CFAP95: variants seen among roughly 807,000 people sequenced by gnomAD.
The protein encoded by CFAP95 is cilia and flagella associated protein 95, also known as cilia- and flagella-associated protein 95.
chr9:69,830,702 C>T, the CFAP95 span, among the ~76,000 whole-genome samples: 20 of 152,162 alleles, frequency 1.3e-4, no homozygotes, highest in Non-Finnish European at 2.8e-4. Flanking sequence ...GATTGGAGTG[C>T]AGTGGCTCAA....
the CFAP95 span, among the ~76,000 whole-genome samples, chr9:69,874,772 G>A: frequency 6.6e-6 from 1 of 152,306 alleles, no homozygotes; most frequent in South Asian, 2.1e-4. Context: ...TGATCAGACT[G>A]GTATTTGGAC....
the CFAP95 span, among the ~76,000 whole-genome samples, chr9:69,860,543 G>T: frequency 9.3e-3 from 1,401 of 151,134 alleles, 24 homozygotes; most frequent in African/African-American, 0.032. Context: ...CAGCAATATT[G>T]GCCTTTCTTC....
the CFAP95 span, among the ~76,000 whole-genome samples, chr9:69,872,544 G>A: frequency 6.6e-6 from 1 of 152,180 alleles, no homozygotes; most frequent in African/African-American, 2.4e-5. Flanking sequence ...GTGTTCTTGT[G>A]GGAGGGGAGA....
At chr9:69,857,775 G>A in the CFAP95 span, 19 of 674,144 alleles carry the variant, frequency 2.8e-5, no homozygotes, top group East Asian at 5.8e-5. Context: ...CAATCCTCCC[G>A]TCTCGGCCTC....
At chr9:69,833,345 T>C in the CFAP95 span, among the ~76,000 whole-genome samples, 1 of 152,214 alleles carries the variant, frequency 6.6e-6, no homozygotes, top group Non-Finnish European at 1.5e-5. Context: ...ATACTTCATT[T>C]CTTTTTATTT....
the CFAP95 span, among the ~76,000 whole-genome samples, chr9:69,826,715 G>A: frequency 1.3e-5 from 2 of 152,144 alleles, no homozygotes; most frequent in African/African-American, 4.8e-5. Context: ...AGAGGGAAGA[G>A]GCTTTAAAGG....
the CFAP95 span, among the ~76,000 whole-genome samples, chr9:69,864,882 G>A: frequency 2.0e-5 from 3 of 152,050 alleles, no homozygotes; most frequent in South Asian, 6.2e-4. Flanking sequence ...TTGCTTCCTG[G>A]TAAAATATTA....
the CFAP95 span, chr9:69,902,150 C>CT: frequency 6.0e-6 from 2 of 335,484 alleles, no homozygotes; most frequent in African/African-American, 4.4e-5. Flanking sequence ...GTCAAAGGGA[C>CT]TTTGCCTGAT....
At chr9:69,828,383 A>T in the CFAP95 span, among the ~76,000 whole-genome samples, 2 of 152,238 alleles carry the variant, frequency 1.3e-5, no homozygotes, top group Non-Finnish European at 2.9e-5. Context: ...TTTGGTTAAA[A>T]ATATGTGTCT....
At chr9:69,903,758 G>T in the CFAP95 span, among the ~76,000 whole-genome samples, 1 of 152,104 alleles carries the variant, frequency 6.6e-6, no homozygotes, top group Non-Finnish European at 1.5e-5. Context: ...ACAGGGTCTT[G>T]CTCTGTTGCC....
At chr9:69,846,583 A>G in the CFAP95 span, among the ~76,000 whole-genome samples, 1 of 152,240 alleles carries the variant, frequency 6.6e-6, no homozygotes, top group Non-Finnish European at 1.5e-5. Flanking sequence ...TAAAGCTGTC[A>G]AGAAATATAT....
the CFAP95 span, among the ~76,000 whole-genome samples, chr9:69,866,173 A>C: frequency 6.6e-6 from 1 of 152,328 alleles, no homozygotes; most frequent in East Asian, 1.9e-4. Context: ...TAATGGCTAT[A>C]TTTAGTCAGG....
chr9:69,830,354 G>A, the CFAP95 span, among the ~76,000 whole-genome samples: 1 of 152,178 alleles, frequency 6.6e-6, no homozygotes, highest in Non-Finnish European at 1.5e-5. Flanking sequence ...GAGAAGGAAG[G>A]AGTGCTGGGC....
chr9:69,895,370 T>TGTGTGTGC, the CFAP95 span, among the ~76,000 whole-genome samples: 1 of 63,936 alleles, frequency 1.6e-5, no homozygotes, highest in Admixed American at 1.4e-4. Context: ...TCTCTCTCTC[T>TGTGTGTGC]GTGTGTGTGT....
At chr9:69,853,499 G>A in the CFAP95 span, among the ~76,000 whole-genome samples, 1 of 152,082 alleles carries the variant, frequency 6.6e-6, no homozygotes, top group Non-Finnish European at 1.5e-5. Context: ...ATTATCCTGC[G>A]AGTTTGTGCT....
At chr9:69,826,496 A>G in the CFAP95 span, among the ~76,000 whole-genome samples, 9 of 152,224 alleles carry the variant, frequency 5.9e-5, no homozygotes, top group Admixed American at 5.9e-4. Context: ...ATAAAAAGCA[A>G]AGAAAAAAAA....
At chr9:69,881,440 T>A in the CFAP95 span, among the ~76,000 whole-genome samples, 1 of 152,216 alleles carries the variant, frequency 6.6e-6, no homozygotes, top group Non-Finnish European at 1.5e-5. Context: ...CCAGTGTCTG[T>A]TCTTGGCACC....
the CFAP95 span, chr9:69,906,084 A>T: frequency 1.2e-6 from 2 of 1,612,906 alleles, no homozygotes; most frequent in African/African-American, 2.7e-5. Context: ...GCTAATTCAG[A>T]TGTAAAACAG....
chr9:69,846,907 G>A, the CFAP95 span, among the ~76,000 whole-genome samples: 6 of 152,352 alleles, frequency 3.9e-5, no homozygotes, highest in Admixed American at 3.9e-4. Flanking sequence ...AAAGACAAGG[G>A]ACTGAAGAGT....
Sources: gnomAD v4.1 joint callset for allele counts (sites outside exome capture counted in the v4.1 genomes callset) on GRCh38, gnomAD v4.1.1 for gene constraint, MANE v1.5 for transcripts, NCBI Gene and HGNC (gene_info 2026-07-23, HGNC 2026-07-21) for gene names.